The following FRAS1 variants were observed in gnomAD, a reference collection of about 807,000 sequenced individuals.
FRAS1 encodes the protein Fraser extracellular matrix complex subunit 1, also known as extracellular matrix organizing protein FRAS1.
In FRAS1, 290 loss-of-function variants were observed where a neutral mutation model predicts 435.2. The ratio of observed to expected loss-of-function variants is 0.67; its 90% CI spans 0.61 to 0.73. The LOEUF (loss-of-function observed/expected upper bound fraction) is 0.73. Among genes scored for constraint, FRAS1 ranks in the 30% least tolerant of loss-of-function variants. The pLI, the probability that FRAS1 is intolerant of heterozygous loss-of-function variation, is 0.00. For synonymous variants in FRAS1, 1,800 were observed against 1,851.0 expected, an observed-to-expected ratio of 0.97 and a Z score of 0.71; for missense variants, 4,860 against 5,001.5, an observed-to-expected ratio of 0.97 and a Z score of 0.85.
chr4:78,499,908 G>A lies in FRAS1; in HGVS notation c.9303G>A (p.Leu3101=). 1.9e-6 allele frequency: 3 copies of A among 1,570,008 alleles called. No individual in the cohort carries two copies. The highest frequency in any genetic ancestry group is 2.6e-6 in the Non-Finnish European group (3 of 1,150,634). ...GVDYYPKSRV[L]KFSPGVDHIF... is the part of the protein sequence containing the mutation. ...ATTATTACCCAAAGAGCCGAGTCTTGAAGTTCAGTCCCGGTAATTGAATGC... is the reference window on the plus strand; with the variant it reads ...ATTATTACCCAAAGAGCCGAGTCTTAAAGTTCAGTCCCGGTAATTGAATGC... The change falls in exon 61 of 74, where the codon TTG becomes TTA. Residue 3101 remains leucine (L), a synonymous_variant. Transcript: ENST00000512123.
intron 13 of FRAS1, among the ~76,000 whole-genome samples, chr4:78,285,001 A>T (rs764347250): frequency 2.0e-5 from 3 of 152,144 alleles, no homozygotes; most frequent in Non-Finnish European, 4.4e-5. Flanking sequence ...AGAGAAATTA[A>T]CCAACTTGCT....
chr4:78,365,737 T>TAAAAAAAAAAA (rs531246410), intron 22 of FRAS1, among the ~76,000 whole-genome samples: 2 of 132,140 alleles, frequency 1.5e-5, no homozygotes, highest in African/African-American at 3.0e-5. Flanking sequence ...TCTAGTACAT[T>TAAAAAAAAAAA]AAAAAAAAAA....
At chr4:78,328,671 T>C (rs1422218608) in intron 18 of FRAS1, among the ~76,000 whole-genome samples, 1 of 152,204 alleles carries the variant, frequency 6.6e-6, no homozygotes, top group Non-Finnish European at 1.5e-5. Context: ...TGTGAAACCA[T>C]GCCCTAAAAA....
chr4:78,335,171 T>G (rs1273354404), intron 19 of FRAS1, among the ~76,000 whole-genome samples: 1 of 152,210 alleles, frequency 6.6e-6, no homozygotes, highest in Non-Finnish European at 1.5e-5. Context: ...TGTCAATTAT[T>G]GCCTAATAAA....
chr4:78,436,906 G>A (rs189313034), intron 38 of FRAS1, among the ~76,000 whole-genome samples: 47 of 152,054 alleles, frequency 3.1e-4, no homozygotes, highest in Admixed American at 7.9e-4. Context: ...TCTAGTCCTC[G>A]TGTTGAATGA....
chr4:78,102,281 C>A (rs1415168772), intron 2 of FRAS1, among the ~76,000 whole-genome samples: 2 of 152,104 alleles, frequency 1.3e-5, no homozygotes, highest in Non-Finnish European at 2.9e-5. Context: ...AGAAAACATC[C>A]CCATTTCTAA....
chr4:78,513,181 C>T (rs185323836), intron 64 of FRAS1, among the ~76,000 whole-genome samples: 2 of 152,108 alleles, frequency 1.3e-5, no homozygotes, highest in East Asian at 3.9e-4. Flanking sequence ...ACTATCAGTC[C>T]TCTGTCTGGA....
Position 78,324,708 on chromosome 4 carries a change from C to CTTTTTTT in FRAS1, c.2137+5739_2137+5745dup, listed in dbSNP as rs139942839. Among the ~76,000 whole-genome samples, 708 of 88,080 alleles carry CTTTTTTT rather than the reference C, an allele frequency of 8.0e-3. 9 individuals are homozygous for CTTTTTTT. Among genetic ancestry groups the CTTTTTTT allele is most frequent in the Non-Finnish European group, 0.012 (547 of 46,582 alleles). The allele number at this position is 88,080 out of a possible 152,430, so 57.8% of individuals were successfully genotyped here. On this transcript the variant is annotated intron_variant, in intron 18 of 73. Transcript: ENST00000512123. ...CTTTCTTTTTATTAAGCTCAGATTC[C>CTTTTTTT]TTTTTTTTTTTTTTTTTTTTTTTCT...
At chr4:78,234,909 A>G (rs1376350880) in intron 2 of FRAS1, among the ~76,000 whole-genome samples, 2 of 152,246 alleles carry the variant, frequency 1.3e-5, no homozygotes, top group African/African-American at 2.4e-5. Flanking sequence ...CAGAGAATCA[A>G]CAATATATTC....
At chr4:78,264,474 A>G (rs1252387399) in intron 6 of FRAS1, among the ~76,000 whole-genome samples, 6 of 152,218 alleles carry the variant, frequency 3.9e-5, no homozygotes, top group African/African-American at 7.2e-5. Flanking sequence ...AAATTTATAC[A>G]TTTATATATG....
intron 2 of FRAS1, among the ~76,000 whole-genome samples, chr4:78,204,362 T>C (rs1330723088): frequency 6.6e-6 from 1 of 152,252 alleles, no homozygotes; most frequent in African/African-American, 2.4e-5. Flanking sequence ...TGCAGTCATG[T>C]TATAGAACTG....
chr4:78,129,663 GAGAAGGA>G (rs1719584497), intron 2 of FRAS1, among the ~76,000 whole-genome samples: 1 of 152,154 alleles, frequency 6.6e-6, no homozygotes, highest in South Asian at 2.1e-4. Context: ...CCAGAGTCTA[GAGAAGGA>G]AAATTCAGAA....
chr4:78,199,534 T>C (rs921049824), intron 2 of FRAS1, among the ~76,000 whole-genome samples: 9 of 152,346 alleles, frequency 5.9e-5, no homozygotes, highest in Admixed American at 2.6e-4. Context: ...TCCAAATTAG[T>C]AATTAAACAA....
rs891102998 is a variant in FRAS1 at position 78,394,127 on chromosome 4, T to C, written c.3975+6426T>C. On this transcript the variant is annotated intron_variant, in intron 29 of 73. Coordinates refer to ENST00000512123, the MANE Select transcript of FRAS1 (RefSeq NM_025074.7). ...GTGAATATTAACCTCTTATGAGATA[T>C]TGGTTTTGCAATTATTTTCTCCCAT... 5.3e-5 allele frequency among the ~76,000 whole-genome samples: 8 copies of C among 151,926 alleles called. 1 individual carries two copies. Among genetic ancestry groups the C allele is most frequent in the South Asian group, 4.1e-4 (2 of 4,822 alleles).
rs1439533140 is a variant in FRAS1, at chr4:78,422,000, G to A, written c.4678G>A (p.Gly1560Ser). Residue 1560 changes from glycine to serine, a missense_variant and splice_region_variant, in exon 34 of 74, where the codon GGT becomes AGT. Gly to Ser is a moderately conservative substitution (Grantham distance 56). Transcript: ENST00000512123. The stretch of plus-strand genomic sequence containing the variant: ...GGAGCTCATGGCCTTCTCGTTCGCT[G>A]GTAATGCTCTCCTCTCTGCTTTGAG... ...LQELMAFSFA[G>S]LPESVKFHFT... The A allele has an allele frequency of 6.2e-7, 1 of 1,608,870 alleles. No individual in the cohort carries two copies. The highest frequency in any genetic ancestry group is 8.5e-7 in the Non-Finnish European group (1 of 1,177,230).
rs934316234 is a variant in FRAS1, at chr4:78,379,915, A to C, written c.3482A>C (p.Gln1161Pro). 1 of 1,613,980 alleles carries C rather than the reference A, an allele frequency of 6.2e-7. No individual in the cohort carries two copies. The highest frequency in any genetic ancestry group is 8.5e-7 in the Non-Finnish European group (1 of 1,179,868). Residue 1161 changes from glutamine (Q) to proline (P), a missense_variant, in exon 27 of 74, where the codon CAG becomes CCG. Coordinates refer to ENST00000512123, the MANE Select transcript of FRAS1 (RefSeq NM_025074.7). Reference sequence around the variant, plus strand: ...CTCTCAAGAAATGGAAAAGAGGTTCAGCTGGACAAGGCTGGCCGTTTTAGC... The same window carrying C: ...CTCTCAAGAAATGGAAAAGAGGTTCCGCTGGACAAGGCTGGCCGTTTTAGC... ...LVLSRNGKEVQLDKAGRFSWK... is the reference protein window; with the variant it reads ...LVLSRNGKEVPLDKAGRFSWK...
chr4:78,278,694 G>A lies in FRAS1; in HGVS notation c.1021G>A (p.Glu341Lys). ...TCACTTAGATGGAAAGTGTTGTCCT[G>A]AATGCATTTCAAGGAATGGTTATTG... ...LIHLDGKCCP[E>K]CISRNGYCVY... Residue 341 changes from glutamate (E) to lysine (K), a missense_variant, in exon 10 of 74, where the codon GAA (glutamate) becomes AAA (lysine). Transcript: ENST00000512123. 6.2e-7 allele frequency: 1 copy of A among 1,608,380 alleles called. No homozygotes were observed. Among genetic ancestry groups the A allele is most frequent in the Non-Finnish European group, 8.5e-7 (1 of 1,175,338 alleles).
At chr4:78,122,108 C>T (rs771097865) in intron 2 of FRAS1, among the ~76,000 whole-genome samples, 2 of 152,104 alleles carry the variant, frequency 1.3e-5, no homozygotes, top group African/African-American at 2.4e-5. Flanking sequence ...GGTATTTCTC[C>T]TAATGTTATC....
At chr4:78,074,047 C>T (rs1740503734) in intron 2 of FRAS1, among the ~76,000 whole-genome samples, 1 of 151,914 alleles carries the variant, frequency 6.6e-6, no homozygotes, top group African/African-American at 2.4e-5. Context: ...ATTGTTAGTA[C>T]CCAGGAGGCT....
Sources: allele counts gnomAD v4.1 joint callset (sites outside exome capture counted in the v4.1 genomes callset), GRCh38; gene constraint gnomAD v4.1.1; transcripts MANE v1.5; gene names NCBI Gene and HGNC (gene_info 2026-07-23, HGNC 2026-07-21).